ATRNL1: variants seen among roughly 807,000 people sequenced by gnomAD.
ATRNL1 encodes the protein attractin-like protein 1.
In ATRNL1, 95 loss-of-function variants were observed where a neutral mutation model predicts 182.7. The ratio of observed to expected loss-of-function variants is 0.52; its 90% CI spans 0.44 to 0.62. The LOEUF (loss-of-function observed/expected upper bound fraction) is 0.62, where lower values mean the gene tolerates loss of function less well. Ranked by LOEUF, ATRNL1 falls within the 20% of genes least tolerant of loss-of-function variation. The probability of loss-of-function intolerance (pLI) is 0.00; values close to 1 mark genes in which losing one functional copy is unlikely to be tolerated. For missense variants in ATRNL1, 1,471 were observed against 1,679.5 expected, an observed-to-expected ratio of 0.88 and a Z score of 2.17; for synonymous variants, 576 against 568.3, an observed-to-expected ratio of 1.01 and a Z score of -0.19.
intron 27 of ATRNL1, among the ~76,000 whole-genome samples, chr10:115,764,486 C>G (rs1948808332): frequency 6.6e-6 from 1 of 152,090 alleles, no homozygotes; most frequent in African/African-American, 2.4e-5. Flanking sequence ...CACTCCTGCT[C>G]CCACCAACCC....
In ATRNL1 at chr10:115,408,193, C is replaced by T. The variant is rs939432338; in HGVS notation, c.3269+13441C>T. Among the ~76,000 whole-genome samples, 13 of 150,746 alleles carry T rather than the reference C, an allele frequency of 8.6e-5. No homozygotes were observed. In the East Asian group the frequency reaches 2.1e-3, roughly 25 times the overall value. ...TAATTTTTTGTATTTTTAGTAGAGA[C>T]GGGGTTTCACCTTGTTAGCCAGGAT... On this transcript the variant is annotated intron_variant, in intron 20 of 28. Transcript: ENST00000355044.
chr10:115,475,921 A>G (rs1289046535), intron 24 of ATRNL1, among the ~76,000 whole-genome samples: 1 of 151,390 alleles, frequency 6.6e-6, no homozygotes, highest in African/African-American at 2.4e-5. Flanking sequence ...ACTACAAGTC[A>G]TACAAAAATT....
rs1029296055 is a variant in ATRNL1, at chr10:115,162,238, A to G, written c.1004+2024A>G. On this transcript the variant is annotated intron_variant, in intron 6 of 28. Coordinates refer to ENST00000355044, the MANE Select transcript of ATRNL1 (RefSeq NM_207303.4). The stretch of plus-strand genomic sequence containing the variant: ...GGGATGGATGGATGGATAGATATAG[A>G]TAGATAGTAGGAGTAGGTAAATCAG... Among the ~76,000 whole-genome samples, 3 of 152,058 alleles carry G rather than the reference A, an allele frequency of 2.0e-5. No individual in the cohort carries two copies. In the East Asian group the frequency reaches 5.8e-4, roughly 29 times the overall value.
intron 21 of ATRNL1, among the ~76,000 whole-genome samples, chr10:115,454,400 T>C (rs1458728441): frequency 6.6e-6 from 1 of 152,068 alleles, no homozygotes; most frequent in Non-Finnish European, 1.5e-5. Flanking sequence ...GGTGGTTCCA[T>C]ATGAATTTTA....
At chr10:115,329,223 TCTA>T (rs1160392400) in intron 18 of ATRNL1, among the ~76,000 whole-genome samples, 1 of 152,098 alleles carries the variant, frequency 6.6e-6, no homozygotes, top group Non-Finnish European at 1.5e-5. Context: ...TCTCTTTTCT[TCTA>T]GTTTTATTTC....
chr10:115,932,100 C>A (rs1036614278), intron 28 of ATRNL1, among the ~76,000 whole-genome samples: 6 of 152,194 alleles, frequency 3.9e-5, no homozygotes, highest in Non-Finnish European at 7.3e-5. Flanking sequence ...TGATTGCTCC[C>A]AAAGGCAAAA....
At chr10:115,872,984 TAAG>T (rs1371108828) in intron 28 of ATRNL1, among the ~76,000 whole-genome samples, 6 of 152,348 alleles carry the variant, frequency 3.9e-5, no homozygotes, top group East Asian at 1.9e-4. Flanking sequence ...ATTGAGCATT[TAAG>T]AAGATCTTTC....
At chr10:115,227,847 A>C (rs1418693234) in intron 9 of ATRNL1, among the ~76,000 whole-genome samples, 1 of 152,128 alleles carries the variant, frequency 6.6e-6, no homozygotes, top group East Asian at 1.9e-4. Context: ...GACATAAAAG[A>C]AAACAGTATA....
At chr10:115,920,915 G>A (rs1357127919) in intron 28 of ATRNL1, among the ~76,000 whole-genome samples, 1 of 152,164 alleles carries the variant, frequency 6.6e-6, no homozygotes, top group Admixed American at 6.5e-5. Context: ...TGTATATATA[G>A]AAGACATTTA....
intron 20 of ATRNL1, among the ~76,000 whole-genome samples, chr10:115,417,717 G>A (rs1554961131): frequency 6.6e-6 from 1 of 152,124 alleles, no homozygotes; most frequent in East Asian, 1.9e-4. Flanking sequence ...AGTCTTCTGG[G>A]CTAGGTTTCC....
chr10:115,368,666 A>G (rs1857211660), intron 19 of ATRNL1, among the ~76,000 whole-genome samples: 1 of 151,308 alleles, frequency 6.6e-6, no homozygotes, highest in African/African-American at 2.4e-5. Flanking sequence ...TTTCCACACC[A>G]GCTCCTGGTA....
At chr10:115,937,309 C>T (rs2134610319) in intron 28 of ATRNL1, among the ~76,000 whole-genome samples, 1 of 152,256 alleles carries the variant, frequency 6.6e-6, no homozygotes, top group South Asian at 2.1e-4. Flanking sequence ...ATCATTTGCA[C>T]TGAAACATTG....
At chr10:115,498,908 A>T (rs1373507426) in intron 24 of ATRNL1, among the ~76,000 whole-genome samples, 1 of 152,070 alleles carries the variant, frequency 6.6e-6, no homozygotes, top group Non-Finnish European at 1.5e-5. Flanking sequence ...TTTAAAGATA[A>T]GACTGAATGA....
chr10:115,256,707 C>G (rs1851156147), intron 10 of ATRNL1, among the ~76,000 whole-genome samples: 1 of 152,126 alleles, frequency 6.6e-6, no homozygotes, highest in Non-Finnish European at 1.5e-5. Flanking sequence ...TCTTGCTTCT[C>G]TAGTTCTCTT....
intron 27 of ATRNL1, among the ~76,000 whole-genome samples, chr10:115,807,790 T>G (rs1949955656): frequency 6.6e-6 from 1 of 152,246 alleles, no homozygotes; most frequent in South Asian, 2.1e-4. Context: ...TAGTTCTAGC[T>G]TCCTTTGAAC....
intron 13 of ATRNL1, among the ~76,000 whole-genome samples, chr10:115,274,042 T>C (rs1554914140): frequency 6.6e-6 from 1 of 152,158 alleles, no homozygotes; most frequent in Non-Finnish European, 1.5e-5. Context: ...CTGTTTCTGC[T>C]AAAGGATAGT....
intron 26 of ATRNL1, among the ~76,000 whole-genome samples, chr10:115,634,001 G>C (rs941413028): frequency 6.6e-6 from 1 of 152,068 alleles, no homozygotes; most frequent in Non-Finnish European, 1.5e-5. Context: ...ACAGGGAAAA[G>C]AGGGTTCTTG....
chr10:115,599,375 C>G (rs1384526985), intron 26 of ATRNL1, among the ~76,000 whole-genome samples: 2 of 152,118 alleles, frequency 1.3e-5, no homozygotes, highest in Admixed American at 1.3e-4. Context: ...AATGAGCATG[C>G]AACTCAGTCT....
At chr10:115,931,969 A>G (rs782044016) in intron 28 of ATRNL1, among the ~76,000 whole-genome samples, 2 of 152,138 alleles carry the variant, frequency 1.3e-5, no homozygotes, top group Non-Finnish European at 2.9e-5. Context: ...ACATCAGAAA[A>G]TTCCAGATCA....
Sources: gnomAD v4.1 joint callset for allele counts (sites outside exome capture counted in the v4.1 genomes callset) on GRCh38, gnomAD v4.1.1 for gene constraint, MANE v1.5 for transcripts, NCBI Gene and HGNC (gene_info 2026-07-23, HGNC 2026-07-21) for gene names.